MET: variants seen among roughly 807,000 people sequenced by gnomAD.
The protein encoded by MET is hepatocyte growth factor receptor.
A neutral mutation model predicts 133.1 loss-of-function variants in MET; 48 were observed. That is an observed-to-expected ratio of 0.36 (90% CI 0.29 to 0.46). MET has a LOEUF of 0.46. Among genes scored for constraint, MET ranks in the 20% least tolerant of loss-of-function variants. MET has a pLI of 1.00. For synonymous variants in MET, 628 were observed against 616.5 expected, an observed-to-expected ratio of 1.02 and a Z score of -0.28; for missense variants, 1,442 against 1,695.9, an observed-to-expected ratio of 0.85 and a Z score of 2.63.
intron 1 of MET, among the ~76,000 whole-genome samples, chr7:116,690,412 A>C (rs1796738914): frequency 6.6e-6 from 1 of 151,806 alleles, no homozygotes; most frequent in Non-Finnish European, 1.5e-5. Flanking sequence ...TCTCCACTAC[A>C]CTCCACCTTG....
At chr7:116,755,289 T>C (rs1017344874) in intron 5 of MET, 66 bp from the exon 6 acceptor site, 36 of 1,555,368 alleles carry the variant, frequency 2.3e-5, no homozygotes, top group African/African-American at 1.5e-4. Context: ...TGTTTGTTCG[T>C]TTTCCATATA....
chr7:116,751,995 AGCTT>A (rs1418845572), intron 5 of MET, among the ~76,000 whole-genome samples: 1 of 152,116 alleles, frequency 6.6e-6, no homozygotes, highest in African/African-American at 2.4e-5. Flanking sequence ...TGGGTGGCGG[AGCTT>A]GCAGTGAGCC....
intron 6 of MET, among the ~76,000 whole-genome samples, chr7:116,756,874 T>C (rs1032539388): frequency 6.6e-6 from 1 of 152,164 alleles, no homozygotes; most frequent in African/African-American, 2.4e-5. Context: ...GGTGAGGTCT[T>C]TATGGATAAG....
At chr7:116,765,505 A>G (rs1467148213) in intron 11 of MET, among the ~76,000 whole-genome samples, 1 of 151,976 alleles carries the variant, frequency 6.6e-6, no homozygotes, top group Non-Finnish European at 1.5e-5. Context: ...TGACTACACC[A>G]TGGGCAAAAG....
intron 19 of MET, among the ~76,000 whole-genome samples, chr7:116,792,785 C>T (rs374488841): frequency 1.3e-4 from 20 of 152,138 alleles, no homozygotes; most frequent in Non-Finnish European, 2.9e-5. Context: ...CTACATGTAG[C>T]GTAGACTGTC....
chr7:116,783,452 A>G lies in MET; in HGVS notation c.3781A>G (p.Thr1261Ala), dbSNP rs45595632. The part of the protein sequence containing the change: ...ALESLQTQKF[T>A]TKSDVWSFGV... The stretch of plus-strand genomic sequence containing the variant: ...GGAAAGTCTGCAAACTCAAAAGTTT[A>G]CCACCAAGTCAGATGTGGTAATGTA... The change falls in exon 19 of 21, where the codon ACC becomes GCC. Residue 1261 changes from threonine to alanine, a missense_variant. By Grantham distance (58) the Thr-to-Ala change is moderately conservative. Transcript: ENST00000397752. 6.2e-7 allele frequency: 1 copy of G among 1,614,046 alleles called. No individual in the cohort carries two copies. Among genetic ancestry groups the G allele is most frequent in the African/African-American group, 1.3e-5 (1 of 74,942 alleles).
In MET at chr7:116,770,298, CT is replaced by C. The variant is rs199941443; in HGVS notation, c.2730+514del. ...ACCAAAGCGAGTGATCTTTTTCATT[CT>C]TTTTTTAGCAGCTTTATTGTGATGT... On this transcript the variant is annotated intron_variant, in intron 12 of 20. Transcript: ENST00000397752. Among the ~76,000 whole-genome samples, 43 of 152,194 alleles carry C rather than the reference CT, an allele frequency of 2.8e-4. No individual in the cohort carries two copies. The East Asian group carries it at 8.1e-3, about 29-fold the overall frequency.
intron 18 of MET, 49 bp from the exon 19 acceptor site, chr7:116,783,255 T>C: frequency 6.2e-7 from 1 of 1,606,778 alleles, no homozygotes; most frequent in African/African-American, 1.3e-5. Flanking sequence ...AGCATCATTG[T>C]AAATTATTCT....
chr7:116,684,667 GAGCA>G (rs1796482346), intron 1 of MET, among the ~76,000 whole-genome samples: 1 of 152,186 alleles, frequency 6.6e-6, no homozygotes, highest in African/African-American at 2.4e-5. Flanking sequence ...CAGAGTGGCT[GAGCA>G]CATGGCTTGC....
rs1233219875 is a variant in MET, at chr7:116,796,385, T to C, written c.*261T>C. ...TCATATTGGAGTCCAAAACTTGAAT[T>C]CTGGGTTGAATTTTTTAAAAATCAG... On this transcript the variant is annotated 3_prime_UTR_variant, in exon 21 of 21. Coordinates refer to ENST00000397752, the MANE Select transcript of MET (RefSeq NM_000245.4). The C allele has an allele frequency of 1.9e-6, 1 of 519,456 alleles. No individual in the cohort carries two copies. The highest frequency in any genetic ancestry group is 1.9e-5 in the African/African-American group (1 of 52,680). 32.2% of individuals were successfully genotyped at this position (519,456 alleles called of 1,614,324 possible). A position where few individuals can be genotyped will look rare whatever the true frequency, so the allele number is the denominator to read the frequency against.
At chr7:116,703,871 G>A (rs1171832510) in intron 2 of MET, among the ~76,000 whole-genome samples, 1 of 152,110 alleles carries the variant, frequency 6.6e-6, no homozygotes, top group African/African-American at 2.4e-5. Flanking sequence ...GTTGAAATTA[G>A]AAAAGCATTC....
intron 5 of MET, among the ~76,000 whole-genome samples, chr7:116,752,561 C>T (rs1279695290): frequency 6.6e-6 from 1 of 152,090 alleles, no homozygotes; most frequent in Non-Finnish European, 1.5e-5. Context: ...TTCCTTTTTC[C>T]CTAGAAGGGT....
chr7:116,725,895 G>A (rs951400556), intron 2 of MET, among the ~76,000 whole-genome samples: 1 of 149,274 alleles, frequency 6.7e-6, no homozygotes, highest in African/African-American at 2.5e-5. Context: ...TTATTAGCGG[G>A]GTGTGGTAAT....
intron 1 of MET, among the ~76,000 whole-genome samples, chr7:116,685,948 C>A (rs150991259): frequency 6.6e-6 from 1 of 152,062 alleles, no homozygotes; most frequent in African/African-American, 2.4e-5. Flanking sequence ...AACCAGAATT[C>A]GGCCACATCT....
chr7:116,700,881 C>A (rs1247095935), intron 2 of MET, among the ~76,000 whole-genome samples: 1 of 152,146 alleles, frequency 6.6e-6, no homozygotes, highest in Non-Finnish European at 1.5e-5. Flanking sequence ...CTCTAAATAA[C>A]CTGTAAGAGT....
At chr7:116,767,178 T>C (rs948666333) in intron 11 of MET, among the ~76,000 whole-genome samples, 13 of 152,126 alleles carry the variant, frequency 8.5e-5, no homozygotes, top group African/African-American at 3.1e-4. Context: ...CCTCCTCTCA[T>C]AGTGTTATTT....
chr7:116,786,532 A>G (rs941175328), intron 19 of MET, among the ~76,000 whole-genome samples: 1 of 152,178 alleles, frequency 6.6e-6, no homozygotes, highest in Non-Finnish European at 1.5e-5. Flanking sequence ...TTCAAGGAGA[A>G]ATTGGATGCT....
intron 4 of MET, 84 bp downstream of exon 4, chr7:116,740,168 A>C (rs2116829650): frequency 6.7e-7 from 1 of 1,486,088 alleles, no homozygotes. Context: ...GCCCTTTATA[A>C]TGTCTCTCTT....
rs2116992551 is a variant in MET, at chr7:116,771,595, C to T, written c.2828C>T (p.Thr943Ile). ...GLIAGVVSIS[T>I]ALLLLLGFFL... ...ATTGCTGGTGTTGTCTCAATATCAA[C>T]AGCACTGTTATTACTACTTGGGTTT... The change falls in exon 13 of 21, where the codon ACA (threonine) becomes ATA (isoleucine). Residue 943 changes from threonine to isoleucine, a missense_variant. By Grantham distance (89) the Thr-to-Ile change is moderately conservative. Coordinates refer to ENST00000397752, the MANE Select transcript of MET (RefSeq NM_000245.4). 1 of 1,613,894 alleles carries T rather than the reference C, an allele frequency of 6.2e-7. No individual in the cohort carries two copies.
Sources: allele counts gnomAD v4.1 joint callset (sites outside exome capture counted in the v4.1 genomes callset), GRCh38; gene constraint gnomAD v4.1.1; transcripts MANE v1.5; gene names NCBI Gene and HGNC (gene_info 2026-07-23, HGNC 2026-07-21).